The following PACRG variants were observed in gnomAD, a reference collection of about 807,000 sequenced individuals.
PACRG encodes the protein parkin coregulated gene protein.
PACRG carries 29 observed loss-of-function variants against 29.7 expected under a neutral mutation model. That is an observed-to-expected ratio of 0.98 (90% CI 0.73 to 1.33). PACRG has a LOEUF of 1.33. PACRG is among the 40% of genes most tolerant of loss of function. The pLI is 0.00. For missense variants in PACRG, 279 were observed against 316.2 expected (o/e 0.88, Z 0.89); for synonymous variants, 116 against 118.7 (o/e 0.98, Z 0.15).
chr6:162,870,993 G>A (rs1329153301), intron 2 of PACRG, among the ~76,000 whole-genome samples: 1 of 152,148 alleles, frequency 6.6e-6, no homozygotes, highest in Non-Finnish European at 1.5e-5. Flanking sequence ...TGGTATCATA[G>A]AATGTTAAGT....
At chr6:162,972,418 C>CT (rs898720532) in intron 2 of PACRG, among the ~76,000 whole-genome samples, 26 of 152,046 alleles carry the variant, frequency 1.7e-4, no homozygotes, top group Admixed American at 2.6e-4. Flanking sequence ...TTTCAGTTGG[C>CT]TTTTTTTTAT....
chr6:162,977,845 T>C (rs1342388348), intron 2 of PACRG, among the ~76,000 whole-genome samples: 2 of 152,164 alleles, frequency 1.3e-5, no homozygotes, highest in South Asian at 4.1e-4. Context: ...CACTGACATA[T>C]GTATAAAGAT....
intron 2 of PACRG, among the ~76,000 whole-genome samples, chr6:162,828,908 T>C (rs1226095862): frequency 6.6e-6 from 1 of 152,232 alleles, no homozygotes; most frequent in African/African-American, 2.4e-5. Flanking sequence ...CCGACACTAA[T>C]GAATTAACAA....
intron 2 of PACRG, among the ~76,000 whole-genome samples, chr6:163,012,632 T>A (rs1805719027): frequency 6.6e-6 from 1 of 152,262 alleles, no homozygotes; most frequent in South Asian, 2.1e-4. Context: ...CATTCAATGT[T>A]CATGCACCCT....
At chr6:163,039,139 AT>A (rs1458987938) in intron 2 of PACRG, among the ~76,000 whole-genome samples, 1 of 152,034 alleles carries the variant, frequency 6.6e-6, no homozygotes, top group Non-Finnish European at 1.5e-5. Context: ...ACGAGATTTG[AT>A]GGTTTATTGA....
Position 163,128,502 on chromosome 6 carries a change from A to T in PACRG, c.613+39094A>T, listed in dbSNP as rs147273690. On this transcript the variant is annotated intron_variant, in intron 4 of 4. Transcript: ENST00000366888. ...TGCCTTTGTCATTTCTCTTGTCTGT[A>T]GGCTGAGCTTTTTTAAAAATTGAGC... 4.5e-3 allele frequency among the ~76,000 whole-genome samples: 680 copies of T among 152,346 alleles called. 1 individual carries two copies. Among genetic ancestry groups the T allele is most frequent in the Non-Finnish European group, 7.9e-3 (536 of 68,026 alleles).
chr6:162,865,216 G>A (rs1289013084), intron 2 of PACRG, among the ~76,000 whole-genome samples: 1 of 152,108 alleles, frequency 6.6e-6, no homozygotes, highest in Non-Finnish European at 1.5e-5. Context: ...AGCTGCTCTG[G>A]TCTGAATGCT....
chr6:162,919,860 AT>A (rs1432965365), intron 2 of PACRG, among the ~76,000 whole-genome samples: 1 of 152,192 alleles, frequency 6.6e-6, no homozygotes, highest in Non-Finnish European at 1.5e-5. Context: ...AAATAGCTGT[AT>A]AACAGGGTCA....
At chr6:162,863,591 T>C (rs901755180) in intron 2 of PACRG, among the ~76,000 whole-genome samples, 2 of 152,224 alleles carry the variant, frequency 1.3e-5, no homozygotes, top group Non-Finnish European at 2.9e-5. Flanking sequence ...AAGTTTAAAC[T>C]TGAAACCACA....
intron 2 of PACRG, among the ~76,000 whole-genome samples, chr6:162,889,653 C>G (rs533706199): frequency 6.6e-6 from 1 of 152,328 alleles, no homozygotes; most frequent in Non-Finnish European, 1.5e-5. Context: ...ATATGAGTAA[C>G]AGTCTTTAGC....
rs546250351 is a variant in PACRG, at chr6:163,198,607, G to A, written c.613+109199G>A. Among the ~76,000 whole-genome samples the A allele has an allele frequency of 1.2e-4, 18 of 152,296 alleles. 1 individual carries two copies. The South Asian group carries it at 3.7e-3, about 32-fold the overall frequency. On this transcript the variant is annotated intron_variant, in intron 4 of 4. Coordinates refer to ENST00000366888, the MANE Select transcript of PACRG (RefSeq NM_001080379.2). The stretch of plus-strand genomic sequence containing the variant: ...TCTGGCACCAAGGATCTGTGTTCCT[G>A]TTTTGCTACATGTAGAAAGTGTGTT...
chr6:163,275,578 T>A (rs1783995702), intron 4 of PACRG, among the ~76,000 whole-genome samples: 1 of 152,254 alleles, frequency 6.6e-6, no homozygotes, highest in Non-Finnish European at 1.5e-5. Context: ...TGACATATTT[T>A]ATTTCCTTTG....
intron 4 of PACRG, among the ~76,000 whole-genome samples, chr6:163,288,118 C>T (rs1784459243): frequency 6.6e-6 from 1 of 152,182 alleles, no homozygotes; most frequent in Non-Finnish European, 1.5e-5. Context: ...GTTGCAGAAG[C>T]TCAGTGAGAT....
In PACRG at chr6:162,950,691, G is replaced by A. The variant is rs187455695; in HGVS notation, c.292-111459G>A. Among the ~76,000 whole-genome samples the A allele has an allele frequency of 4.3e-3, 658 of 152,028 alleles. 4 individuals are homozygous for A. Among genetic ancestry groups the A allele is most frequent in the Non-Finnish European group, 8.0e-3 (546 of 67,958 alleles). ...TTCAAGTCTATTTTTCTTGGTAAATGAATTAAAGGAAAAAATACTACAAAT... is the reference window on the plus strand; with the variant it reads ...TTCAAGTCTATTTTTCTTGGTAAATAAATTAAAGGAAAAAATACTACAAAT... On this transcript the variant is annotated intron_variant, in intron 2 of 4. Coordinates refer to ENST00000366888, the MANE Select transcript of PACRG (RefSeq NM_001080379.2).
intron 4 of PACRG, among the ~76,000 whole-genome samples, chr6:163,167,276 C>T (rs971917291): frequency 2.0e-5 from 3 of 152,070 alleles, no homozygotes; most frequent in South Asian, 2.1e-4. Context: ...TTCCTATATG[C>T]GATAAGCCCT....
chr6:163,250,740 ATTTATG>A (rs1266697858), intron 4 of PACRG, among the ~76,000 whole-genome samples: 1 of 152,186 alleles, frequency 6.6e-6, no homozygotes, highest in African/African-American at 2.4e-5. Context: ...ACAATTCACA[ATTTATG>A]TTTATGTTTA....
intron 2 of PACRG, among the ~76,000 whole-genome samples, chr6:162,947,582 TCA>T (rs1799242145): frequency 5.8e-5 from 1 of 17,174 alleles, no homozygotes; most frequent in Non-Finnish European, 1.4e-4. Flanking sequence ...TCATATATAA[TCA>T]TATATATAAT....
chr6:163,300,315 C>A (rs537685903), intron 4 of PACRG, among the ~76,000 whole-genome samples: 3 of 152,298 alleles, frequency 2.0e-5, no homozygotes, highest in Non-Finnish European at 4.4e-5. Flanking sequence ...TGATGTCTAC[C>A]CCATCCCAAA....
intron 2 of PACRG, among the ~76,000 whole-genome samples, chr6:162,947,646 A>G (rs1324411846): frequency 2.6e-4 from 17 of 64,270 alleles, no homozygotes; most frequent in African/African-American, 1.1e-3. Context: ...ATATATATAT[A>G]TACACCCAAA....
Sources: allele counts gnomAD v4.1 joint callset (sites outside exome capture counted in the v4.1 genomes callset), GRCh38; gene constraint gnomAD v4.1.1; transcripts MANE v1.5; gene names NCBI Gene and HGNC (gene_info 2026-07-23, HGNC 2026-07-21).